Variants in KLHL29 observed in about 807,000 individuals in gnomAD.
KLHL29 encodes the protein kelch-like protein 29.
In KLHL29, 21 loss-of-function variants were observed where a neutral mutation model predicts 80.4. The ratio of observed to expected loss-of-function variants is 0.26; its 90% CI spans 0.19 to 0.38. The LOEUF is 0.38. KLHL29 is among the 10% of genes least tolerant of loss of function. The probability of loss-of-function intolerance (pLI) is 1.00; values close to 1 mark genes in which losing one functional copy is unlikely to be tolerated. For synonymous variants in KLHL29, 511 were observed against 526.8 expected, an observed-to-expected ratio of 0.97 and a Z score of 0.41; for missense variants, 867 against 1,223.9, an observed-to-expected ratio of 0.71 and a Z score of 4.35.
At chr2:23,678,411 C>G (rs1670980449) in intron 5 of KLHL29, among the ~76,000 whole-genome samples, 1 of 152,196 alleles carries the variant, frequency 6.6e-6, no homozygotes, top group African/African-American at 2.4e-5. Flanking sequence ...CACTTTCACT[C>G]ACTCTCCGGG....
chr2:23,550,369 C>T (rs1322550064), intron 2 of KLHL29, among the ~76,000 whole-genome samples: 1 of 152,050 alleles, frequency 6.6e-6, no homozygotes, highest in South Asian at 2.1e-4. Context: ...AAGCAGGAGG[C>T]CCCCCAGGTC....
chr2:23,481,788 A>G (rs1156828741), intron 2 of KLHL29, among the ~76,000 whole-genome samples: 3 of 152,186 alleles, frequency 2.0e-5, no homozygotes, highest in Admixed American at 1.3e-4. Flanking sequence ...GTGGTGGCAC[A>G]TGCTTGTAAT....
rs1030000252 is a variant in KLHL29 at position 23,596,182 on chromosome 2, C to G, written c.285+33701C>G. On this transcript the variant is annotated intron_variant, in intron 3 of 13. Transcript: ENST00000486442. The surrounding 1 kb of genome is among the most constrained non-coding windows in gnomAD (Gnocchi z 4.4). The stretch of plus-strand genomic sequence containing the variant: ...GCCAGCCGGACGGGCAGGCCGGGGG[C>G]GGGGCAGGGCAACAGCCTTGTACCC... Among the ~76,000 whole-genome samples, 5 of 152,166 alleles carry G rather than the reference C, an allele frequency of 3.3e-5. No individual in the cohort carries two copies. The highest frequency in any genetic ancestry group is 1.2e-4 in the African/African-American group (5 of 41,440).
chr2:23,555,733 C>T (rs1667271378), intron 2 of KLHL29, among the ~76,000 whole-genome samples: 1 of 152,230 alleles, frequency 6.6e-6, no homozygotes, highest in Non-Finnish European at 1.5e-5. Context: ...TTCACCGTCT[C>T]CTGGAGATAA....
intron 2 of KLHL29, among the ~76,000 whole-genome samples, chr2:23,536,381 G>A (rs1362262629): frequency 2.0e-5 from 3 of 152,220 alleles, no homozygotes; most frequent in Admixed American, 6.5e-5. Flanking sequence ...CTGTCAGAGC[G>A]GGTTGGCTCC....
intron 3 of KLHL29, among the ~76,000 whole-genome samples, chr2:23,563,327 C>G (rs1333617185): frequency 6.6e-6 from 1 of 152,192 alleles, no homozygotes; most frequent in Non-Finnish European, 1.5e-5. Flanking sequence ...AGGGCCGGGC[C>G]CCTGGCCATG....
At chr2:23,479,386 C>T (rs1036774251) in intron 2 of KLHL29, among the ~76,000 whole-genome samples, 1 of 152,046 alleles carries the variant, frequency 6.6e-6, no homozygotes, top group African/African-American at 2.4e-5. Context: ...TGCAGACCCC[C>T]AGCCTGCGCT....
Position 23,549,316 on chromosome 2 carries a change from T to C in KLHL29, c.-45-12836T>C, listed in dbSNP as rs144328986. Among the ~76,000 whole-genome samples the C allele has an allele frequency of 7.8e-3, 1,185 of 152,290 alleles. 9 individuals are homozygous for C. The highest frequency in any genetic ancestry group is 0.027 in the Middle Eastern group (8 of 294). On this transcript the variant is annotated intron_variant, in intron 2 of 13. Coordinates refer to ENST00000486442, the MANE Select transcript of KLHL29 (RefSeq NM_052920.2). ...ATAAACAGAAAGGCAACAAAATCTATGTTTCAATTACTGCACACAAGCTGT... is the reference window on the plus strand; with the variant it reads ...ATAAACAGAAAGGCAACAAAATCTACGTTTCAATTACTGCACACAAGCTGT...
In KLHL29 at chr2:23,615,473, G is replaced by T. The variant is rs375214097; in HGVS notation, c.286-23666G>T. ...GGAGCATCTCATGTGTGTCTCTGCT[G>T]CAGGGAGCTCTGAGTCAGCCTGTAG... On this transcript the variant is annotated intron_variant, in intron 3 of 13. Transcript: ENST00000486442. Among the ~76,000 whole-genome samples the T allele has an allele frequency of 1.4e-3, 208 of 152,272 alleles. 2 individuals carry two copies. The highest frequency in any genetic ancestry group is 4.7e-3 in the African/African-American group (197 of 41,556).
At chr2:23,528,949 G>A (rs533995755) in intron 2 of KLHL29, among the ~76,000 whole-genome samples, 4 of 152,190 alleles carry the variant, frequency 2.6e-5, no homozygotes, top group Admixed American at 2.6e-4. Flanking sequence ...CTTGGGCCTT[G>A]GGAGTGGGAC....
rs772048472 is a variant in KLHL29 at position 23,696,403 on chromosome 2, C to T, written c.1995C>T (p.Leu665=). The change falls in exon 11 of 14, where the codon CTC becomes CTT. Residue 665 remains leucine, a synonymous_variant. Coordinates refer to ENST00000486442, the MANE Select transcript of KLHL29 (RefSeq NM_052920.2). The surrounding 1 kb of genome is among the most constrained non-coding windows in gnomAD (Gnocchi z 5.5). The part of the protein sequence containing the change: ...CYMSLLDNWN[L]VSRMTVPRCR... ...TGTCCCTGCTTGATAACTGGAACCT[C>T]GTCTCCAGAATGACAGTCCCCCGCT... 11 of 1,551,326 alleles carry T rather than the reference C, an allele frequency of 7.1e-6. No homozygotes were observed. The East Asian group carries it at 2.0e-4, about 28-fold the overall frequency.
intron 1 of KLHL29, among the ~76,000 whole-genome samples, chr2:23,408,573 A>C (rs544245025): frequency 4.6e-5 from 7 of 152,088 alleles, no homozygotes; most frequent in African/African-American, 1.2e-4. Flanking sequence ...GTCCCAACAT[A>C]TTTGCTAATG....
At chr2:23,418,679 C>T (rs922530523) in intron 1 of KLHL29, among the ~76,000 whole-genome samples, 5 of 152,120 alleles carry the variant, frequency 3.3e-5, no homozygotes, top group African/African-American at 9.7e-5. Flanking sequence ...TGATGGTAAC[C>T]GGGGGCCCAG....
chr2:23,433,933 AAC>A (rs1214816795), intron 1 of KLHL29, among the ~76,000 whole-genome samples: 4 of 151,838 alleles, frequency 2.6e-5, no homozygotes, highest in Non-Finnish European at 4.4e-5. Context: ...AGAAAAAATG[AAC>A]AGTTAACTGT....
intron 3 of KLHL29, among the ~76,000 whole-genome samples, chr2:23,597,401 ATATATATTTTTTTTTTTTTTTTTTTTT>A (rs1291825578): frequency 1.1e-4 from 6 of 55,292 alleles, no homozygotes; most frequent in Non-Finnish European, 1.7e-4. Flanking sequence ...ATATATATAT[ATATATATTTTTTTTTTTTTTTTTTTTT>A]TTTTTTTTTT....
At chr2:23,539,642 A>G (rs1313701001) in intron 2 of KLHL29, among the ~76,000 whole-genome samples, 3 of 151,362 alleles carry the variant, frequency 2.0e-5, no homozygotes, top group South Asian at 2.1e-4. Context: ...GGGTCTCACT[A>G]TGTTGCCTAG....
At chr2:23,605,273 T>G (rs958715490) in intron 3 of KLHL29, among the ~76,000 whole-genome samples, 1 of 151,980 alleles carries the variant, frequency 6.6e-6, no homozygotes, top group Non-Finnish European at 1.5e-5. Context: ...AATTTTTTAA[T>G]TTTTTGAAGA....
intron 3 of KLHL29, among the ~76,000 whole-genome samples, chr2:23,565,847 G>A (rs1667576850): frequency 1.3e-5 from 2 of 152,230 alleles, no homozygotes; most frequent in South Asian, 4.1e-4. Context: ...TGAGGAAAGT[G>A]ACTGGGGGAC....
chr2:23,497,570 G>T (rs1665306646), intron 2 of KLHL29, among the ~76,000 whole-genome samples: 1 of 152,216 alleles, frequency 6.6e-6, no homozygotes, highest in South Asian at 2.1e-4. Context: ...ACCCAGAGAG[G>T]CAGGGCCAAG....
Sources: allele counts gnomAD v4.1 joint callset (sites outside exome capture counted in the v4.1 genomes callset), GRCh38; gene constraint gnomAD v4.1.1; non-coding constraint Gnocchi (gnomAD v3.1); transcripts MANE v1.5; gene names NCBI Gene and HGNC (gene_info 2026-07-23, HGNC 2026-07-21).